PHAF1: variants seen among roughly 807,000 people sequenced by gnomAD.
PHAF1 encodes the protein phagophore assembly factor 1, also known as phagosome assembly factor 1.
Under a neutral mutation model 63.1 loss-of-function variants are expected in PHAF1, and 23 were observed. The observed-to-expected ratio is 0.36, with a 90% CI of 0.26 to 0.52. The LOEUF (loss-of-function observed/expected upper bound fraction) is 0.52, where lower values mean the gene tolerates loss of function less well. PHAF1 is among the 20% of genes least tolerant of loss of function. PHAF1 has a pLI of 0.93. For synonymous variants in PHAF1, 167 were observed against 185.0 expected, an observed-to-expected ratio of 0.90 and a Z score of 0.79; for missense variants, 427 against 517.2, an observed-to-expected ratio of 0.83 and a Z score of 1.69.
chr16:67,134,235 T>C lies in PHAF1; in HGVS notation c.518T>C (p.Ile173Thr). The change falls in exon 7 of 16, where the codon ATC becomes ACC. Residue 173 changes from isoleucine to threonine, a missense_variant. Ile to Thr is a moderately conservative substitution (Grantham distance 89). Coordinates refer to ENST00000219139, the MANE Select transcript of PHAF1 (RefSeq NM_025187.5). Reference sequence around the variant, plus strand: ...GGAGCAACTGTAAAACGAATGTACATCTACAGTGGCAACAGCCTGCAGGAT... The same window carrying C: ...GGAGCAACTGTAAAACGAATGTACACCTACAGTGGCAACAGCCTGCAGGAT... ...PHGATVKRMY[I>T]YSGNSLQDTK... 1.2e-6 allele frequency: 2 copies of C among 1,614,084 alleles called. No homozygotes were observed. Among genetic ancestry groups the C allele is most frequent in the Non-Finnish European group, 1.7e-6 (2 of 1,179,964 alleles).
At chr16:67,133,292 G>T (rs1475920824) in intron 6 of PHAF1, among the ~76,000 whole-genome samples, 1 of 152,116 alleles carries the variant, frequency 6.6e-6, no homozygotes, top group African/African-American at 2.4e-5. Flanking sequence ...CCTAGGGGCT[G>T]TGAAAATGAT....
chr16:67,134,395 T>C lies in PHAF1; in HGVS notation c.589T>C (p.Tyr197His). ...MPLSCFLGNV[Y>H]AESVDVLRDG... ...TCTGAGCTGTTTCCTGGGCAATGTC[T>C]ATGCTGAGAGTGTAGATGTTCTTCG... Residue 197 changes from tyrosine to histidine, a missense_variant, in exon 8 of 16, where the codon TAT becomes CAT. Transcript: ENST00000219139. 1 of 1,614,166 alleles carries C rather than the reference T, an allele frequency of 6.2e-7. No individual in the cohort carries two copies. The highest frequency in any genetic ancestry group is 8.5e-7 in the Non-Finnish European group (1 of 1,180,004).
Position 67,147,132 on chromosome 16 carries a change from G to T in PHAF1, c.*1G>T. The T allele has an allele frequency of 1.9e-6, 3 of 1,607,954 alleles. No individual in the cohort carries two copies. The highest frequency in any genetic ancestry group is 2.6e-6 in the Non-Finnish European group (3 of 1,174,628). On this transcript the variant is annotated 3_prime_UTR_variant, in exon 16 of 16. Coordinates refer to ENST00000219139, the MANE Select transcript of PHAF1 (RefSeq NM_025187.5). ...CCTGAGAACAGCGGAACTCCCCTAGGGACACCACCACCCATGCCCCTCTGT... is the reference window on the plus strand; with the variant it reads ...CCTGAGAACAGCGGAACTCCCCTAGTGACACCACCACCCATGCCCCTCTGT...
chr16:67,137,120 G>A (rs1164219445), intron 8 of PHAF1, among the ~76,000 whole-genome samples: 1 of 150,460 alleles, frequency 6.6e-6, no homozygotes, highest in African/African-American at 2.5e-5. Flanking sequence ...GCGCCACCGC[G>A]CTCCAGCCTG....
intron 3 of PHAF1, among the ~76,000 whole-genome samples, chr16:67,126,668 C>T (rs1963207266): frequency 6.7e-6 from 1 of 148,622 alleles, no homozygotes; most frequent in Non-Finnish European, 1.5e-5. Context: ...GATCTTGGCT[C>T]ACTGCCACCT....
intron 1 of PHAF1, among the ~76,000 whole-genome samples, chr16:67,111,308 C>T (rs1012551974): frequency 6.6e-6 from 1 of 152,202 alleles, no homozygotes; most frequent in Non-Finnish European, 1.5e-5. Flanking sequence ...TTTCCAGCAT[C>T]ACTACTTTTA....
intron 6 of PHAF1, 63 bp downstream of exon 6, chr16:67,132,974 G>A: frequency 2.2e-6 from 3 of 1,338,688 alleles, no homozygotes; most frequent in Non-Finnish European, 3.2e-6. Flanking sequence ...AGCAGATGGT[G>A]TCATGGGATG....
chr16:67,123,223 C>T (rs1345825781), intron 2 of PHAF1, among the ~76,000 whole-genome samples: 1 of 151,822 alleles, frequency 6.6e-6, no homozygotes, highest in Non-Finnish European at 1.5e-5. Flanking sequence ...GCCGTCCTCC[C>T]ACCTCAGCCT....
chr16:67,123,507 G>A (rs1963066195), intron 2 of PHAF1, among the ~76,000 whole-genome samples: 1 of 152,108 alleles, frequency 6.6e-6, no homozygotes, highest in South Asian at 2.1e-4. Flanking sequence ...AACCTGAGAG[G>A]CGGAGGTTGC....
intron 2 of PHAF1, among the ~76,000 whole-genome samples, chr16:67,122,695 C>A (rs1049111331): frequency 1.3e-5 from 2 of 151,472 alleles, no homozygotes; most frequent in Non-Finnish European, 2.9e-5. Context: ...TTATGTAAAA[C>A]AGTATAGTTT....
intron 6 of PHAF1, among the ~76,000 whole-genome samples, chr16:67,133,355 A>G (rs191770123): frequency 6.6e-6 from 1 of 152,228 alleles, no homozygotes; most frequent in African/African-American, 2.4e-5. Flanking sequence ...ATTTTCCCCT[A>G]TGAAGAAAAG....
At chr16:67,146,201 C>A in intron 14 of PHAF1, 77 bp from the exon 15 acceptor site, 1 of 1,329,040 alleles carries the variant, frequency 7.5e-7, no homozygotes, top group Non-Finnish European at 1.1e-6. Flanking sequence ...TATCCCATAC[C>A]CCAGAAAAGA....
chr16:67,133,321 T>C (rs1963476464), intron 6 of PHAF1, among the ~76,000 whole-genome samples: 1 of 152,086 alleles, frequency 6.6e-6, no homozygotes, highest in Non-Finnish European at 1.5e-5. Flanking sequence ...ATAAGACTTA[T>C]TTTAATTAAG....
chr16:67,123,279 T>G (rs567721935), intron 2 of PHAF1, among the ~76,000 whole-genome samples: 2 of 146,734 alleles, frequency 1.4e-5, no homozygotes, highest in East Asian at 4.0e-4. Flanking sequence ...ATCTGGCTAT[T>G]AAAAAAAAAA....
chr16:67,136,554 C>CTTTTT (rs34174571), intron 8 of PHAF1, among the ~76,000 whole-genome samples: 9 of 60,454 alleles, frequency 1.5e-4, no homozygotes, highest in Non-Finnish European at 2.1e-4. Flanking sequence ...GCATTGATTC[C>CTTTTT]TTTTTTTTTT....
intron 1 of PHAF1, among the ~76,000 whole-genome samples, chr16:67,116,885 G>T (rs1962755037): frequency 6.6e-6 from 1 of 152,164 alleles, no homozygotes; most frequent in African/African-American, 2.4e-5. Flanking sequence ...TGGGTGGTTA[G>T]CTCTGAGCAG....
intron 14 of PHAF1, 115 bp from the exon 15 acceptor site, chr16:67,146,163 C>A: frequency 1.1e-6 from 1 of 949,054 alleles, no homozygotes; most frequent in Admixed American, 1.7e-5. Flanking sequence ...CAGACAGACA[C>A]TCACAGCCAT....
At chr16:67,136,979 C>G (rs1433826881) in intron 8 of PHAF1, among the ~76,000 whole-genome samples, 1 of 152,056 alleles carries the variant, frequency 6.6e-6, no homozygotes, top group African/African-American at 2.4e-5. Flanking sequence ...ACGGTGAAAC[C>G]CCATCTCTAC....
At chr16:67,125,869 C>T in intron 2 of PHAF1, 90 bp from the exon 3 acceptor site, 1 of 945,080 alleles carries the variant, frequency 1.1e-6, no homozygotes, top group Non-Finnish European at 1.7e-6. Context: ...TTAGATATTC[C>T]TTGTGTGTTG....
Sources: gnomAD v4.1 joint callset for allele counts (sites outside exome capture counted in the v4.1 genomes callset) on GRCh38, gnomAD v4.1.1 for gene constraint, MANE v1.5 for transcripts, NCBI Gene and HGNC (gene_info 2026-07-23, HGNC 2026-07-21) for gene names.